EML6: variants seen among roughly 807,000 people sequenced by gnomAD.
EML6 encodes echinoderm microtubule-associated protein-like 6.
Under a neutral mutation model 240.1 loss-of-function variants are expected in EML6, and 154 were observed. The ratio of observed to expected loss-of-function variants is 0.64; its 90% CI spans 0.56 to 0.73. EML6 has a LOEUF of 0.73. Among genes scored for constraint, EML6 ranks in the 30% least tolerant of loss-of-function variants. The pLI is 0.00. For synonymous variants in EML6, 1,148 were observed against 899.0 expected (o/e 1.28, Z -4.95); for missense variants, 2,964 against 2,474.6 (o/e 1.20, Z -4.20).
At chr2:54,962,745 C>A (rs767776950) in intron 36 of EML6, 34 bp downstream of exon 36, 2 of 1,432,908 alleles carry the variant, frequency 1.4e-6, no homozygotes, top group Non-Finnish European at 9.2e-7. Context: ...CAGATGCCCA[C>A]GAGTGGGCTG....
At chr2:54,858,869 G>A (rs1325475258) in intron 11 of EML6, among the ~76,000 whole-genome samples, 2 of 152,144 alleles carry the variant, frequency 1.3e-5, no homozygotes, top group African/African-American at 4.8e-5. Context: ...AGAGAGGTTG[G>A]GGTATTTGAC....
At chr2:54,779,707 C>T (rs1284918552) in intron 2 of EML6, among the ~76,000 whole-genome samples, 1 of 151,074 alleles carries the variant, frequency 6.6e-6, no homozygotes, top group Non-Finnish European at 1.5e-5. Flanking sequence ...ACCAAAAATA[C>T]AAAAATTAGC....
intron 21 of EML6, among the ~76,000 whole-genome samples, chr2:54,896,843 C>A (rs1672797631): frequency 6.6e-6 from 1 of 152,058 alleles, no homozygotes; most frequent in Non-Finnish European, 1.5e-5. Context: ...CACAGGTGCC[C>A]AAATCCCACC....
At chr2:54,829,843 A>G (rs1461805397) in intron 7 of EML6, among the ~76,000 whole-genome samples, 1 of 152,234 alleles carries the variant, frequency 6.6e-6, no homozygotes, top group Non-Finnish European at 1.5e-5. Flanking sequence ...TTTTGTTTTA[A>G]ATAGCTTTAA....
At chr2:54,776,343 G>A (rs1157890991) in intron 2 of EML6, among the ~76,000 whole-genome samples, 6 of 151,988 alleles carry the variant, frequency 3.9e-5, no homozygotes, top group Non-Finnish European at 2.9e-5. Context: ...AAACTGCCTG[G>A]GCTCGGTACC....
intron 26 of EML6, among the ~76,000 whole-genome samples, chr2:54,925,409 G>T (rs542832694): frequency 6.6e-6 from 1 of 152,086 alleles, no homozygotes; most frequent in African/African-American, 2.4e-5. Context: ...CTATATTCTC[G>T]CATTGAGTTC....
chr2:54,768,006 G>A (rs1490435383), intron 2 of EML6, among the ~76,000 whole-genome samples: 1 of 152,136 alleles, frequency 6.6e-6, no homozygotes, highest in Non-Finnish European at 1.5e-5. Context: ...CTTAGGCTTT[G>A]TAGAGAGTGT....
Position 54,859,680 on chromosome 2 carries a change from A to G in EML6, c.1804A>G (p.Met602Val). Residue 602 changes from methionine (M) to valine (V), a missense_variant, in exon 12 of 42, where the codon ATG becomes GTG. Transcript: ENST00000356458. ...TATTCCAGAAGGTGTCAGCAACGGC[A>G]TGCTGGAAACTGCACCCCAAGGTAA... is the stretch of plus-strand genomic sequence containing the variant. ...RFIPEGVSNGMLETAPQEGGA... is the reference protein window; with the variant it reads ...RFIPEGVSNGVLETAPQEGGA... The G allele has an allele frequency of 1.3e-6, 2 of 1,545,240 alleles. No homozygotes were observed. The highest frequency in any genetic ancestry group is 1.7e-6 in the Non-Finnish European group (2 of 1,145,280).
chr2:54,751,027 C>A lies in EML6; in HGVS notation c.197+25769C>A, dbSNP rs569657338. Among the ~76,000 whole-genome samples the A allele has an allele frequency of 3.3e-5, 5 of 152,226 alleles. No homozygotes were observed. The East Asian group carries it at 9.6e-4, about 29-fold the overall frequency. On this transcript the variant is annotated intron_variant, in intron 2 of 41. Transcript: ENST00000356458. The stretch of plus-strand genomic sequence containing the variant: ...TTCAAAGTGGTAGTTACAAGAAAGC[C>A]TGGAAAATAATAGGATGTTGAGCTT...
chr2:54,756,042 C>G (rs1667706800), intron 2 of EML6, among the ~76,000 whole-genome samples: 2 of 152,052 alleles, frequency 1.3e-5, no homozygotes, highest in African/African-American at 4.8e-5. Context: ...GATCTTGGCC[C>G]TCTTCCTTAA....
At chr2:54,905,097 A>C (rs1252562656) in intron 24 of EML6, among the ~76,000 whole-genome samples, 2 of 152,188 alleles carry the variant, frequency 1.3e-5, no homozygotes, top group East Asian at 1.9e-4. Flanking sequence ...ATGTCAGGGC[A>C]GTGCTGGCCA....
chr2:54,927,450 C>G (rs961524929), intron 26 of EML6, among the ~76,000 whole-genome samples: 4 of 152,148 alleles, frequency 2.6e-5, no homozygotes, highest in African/African-American at 9.7e-5. Flanking sequence ...GTGCATGTGG[C>G]CTTCCATATT....
chr2:54,740,440 C>T (rs1376800008), intron 2 of EML6, among the ~76,000 whole-genome samples: 1 of 151,968 alleles, frequency 6.6e-6, no homozygotes, highest in African/African-American at 2.4e-5. Flanking sequence ...GGAAAACGGC[C>T]CAGTGGATTT....
intron 6 of EML6, among the ~76,000 whole-genome samples, chr2:54,828,766 T>C (rs1374863429): frequency 6.6e-6 from 1 of 152,230 alleles, no homozygotes; most frequent in Non-Finnish European, 1.5e-5. Context: ...AATAAAGTAT[T>C]TTCCTGTGGA....
At chr2:54,969,379 A>G (rs1281220587) in intron 41 of EML6, among the ~76,000 whole-genome samples, 1 of 152,172 alleles carries the variant, frequency 6.6e-6, no homozygotes, top group African/African-American at 2.4e-5. Context: ...AGGTTGTAAG[A>G]AAGGCACCTA....
rs542203500 is a variant in EML6, at chr2:54,970,655, C to A, written c.*560C>A. On this transcript the variant is annotated 3_prime_UTR_variant, in exon 42 of 42. Coordinates refer to ENST00000356458, the MANE Select transcript of EML6 (RefSeq NM_001039753.4). ...TGAGAAACTTAATTTTTAAATGTTT[C>A]ATTTGCAGAGTTTTATATCCATTAA... 1 of 153,894 alleles carries A rather than the reference C, an allele frequency of 6.5e-6. No homozygotes were observed. The highest frequency in any genetic ancestry group is 2.4e-5 in the African/African-American group (1 of 41,582). The allele number at this position is 153,894 out of a possible 1,614,324, so 9.5% of individuals were successfully genotyped here.
At chr2:54,930,399 TAGAG>T (rs747166631) in intron 28 of EML6, among the ~76,000 whole-genome samples, 12 of 152,184 alleles carry the variant, frequency 7.9e-5, no homozygotes, top group Non-Finnish European at 1.6e-4. Context: ...GGACTGATGA[TAGAG>T]AGGACCCTAA....
intron 7 of EML6, among the ~76,000 whole-genome samples, chr2:54,829,997 T>C (rs964508123): frequency 6.6e-6 from 1 of 152,156 alleles, no homozygotes; most frequent in African/African-American, 2.4e-5. Context: ...ATCTATAAAA[T>C]GGAGATAATA....
At chr2:54,868,318 TATA>T (rs1381064249) in intron 14 of EML6, 16 of 152,338 alleles carry the variant, frequency 1.1e-4, no homozygotes, top group African/African-American at 3.6e-4. Flanking sequence ...AATTGTGACA[TATA>T]ATTATTAAGC....
Sources: gnomAD v4.1 joint callset for allele counts (sites outside exome capture counted in the v4.1 genomes callset) on GRCh38, gnomAD v4.1.1 for gene constraint, MANE v1.5 for transcripts, NCBI Gene and HGNC (gene_info 2026-07-23, HGNC 2026-07-21) for gene names.